CRTAC1: variants seen among roughly 807,000 people sequenced by gnomAD.
CRTAC1 encodes acidic secreted protein in cartilage.
CRTAC1 carries 37 observed loss-of-function variants against 67.8 expected under a neutral mutation model. The observed-to-expected ratio is 0.55, with a 90% CI of 0.42 to 0.72. The LOEUF (loss-of-function observed/expected upper bound fraction) is 0.72, where lower values mean the gene tolerates loss of function less well. Ranked by LOEUF, CRTAC1 falls within the 30% of genes least tolerant of loss-of-function variation. The probability of loss-of-function intolerance (pLI) is 0.00; values close to 1 mark genes in which losing one functional copy is unlikely to be tolerated. For missense variants in CRTAC1, 780 were observed against 931.6 expected, an observed-to-expected ratio of 0.84 and a Z score of 2.12; for synonymous variants, 348 against 371.0, an observed-to-expected ratio of 0.94 and a Z score of 0.71.
At chr10:97,887,951 G>A (rs190409741) in intron 11 of CRTAC1, among the ~76,000 whole-genome samples, 102 of 152,386 alleles carry the variant, frequency 6.7e-4, no homozygotes, top group Non-Finnish European at 1.2e-3. Context: ...CTAACGCATC[G>A]AAACTTCACA....
chr10:97,923,991 A>G (rs1359658508), intron 3 of CRTAC1, among the ~76,000 whole-genome samples: 3 of 152,086 alleles, frequency 2.0e-5, no homozygotes, highest in African/African-American at 7.2e-5. Flanking sequence ...CCCTGGTCCC[A>G]GGACTGGGGA....
At chr10:97,957,329 T>A (rs914082510) in intron 2 of CRTAC1, among the ~76,000 whole-genome samples, 1 of 152,048 alleles carries the variant, frequency 6.6e-6, no homozygotes, top group Non-Finnish European at 1.5e-5. Flanking sequence ...AGTGTGCTTT[T>A]ATTGTGGTCC....
In CRTAC1 at chr10:97,895,647, AG is replaced by A. The variant is rs1167572675; in HGVS notation, c.1318-235del. On this transcript the variant is annotated intron_variant, in intron 10 of 14. Transcript: ENST00000370597. This position sits in a 1 kb window ranked among gnomAD's most constrained non-coding sequence, Gnocchi z 4.2. ...AGAGGAGACAAAAGCCGAGGGACTCAGGGCACAGTGTTTGGCAGATAAATGA... is the reference window on the plus strand; with the variant it reads ...AGAGGAGACAAAAGCCGAGGGACTCAGGCACAGTGTTTGGCAGATAAATGA... Among the ~76,000 whole-genome samples the A allele has an allele frequency of 6.6e-6, 1 of 152,224 alleles. No homozygotes were observed. The highest frequency in any genetic ancestry group is 2.4e-5 in the African/African-American group (1 of 41,464).
intron 8 of CRTAC1, among the ~76,000 whole-genome samples, chr10:97,899,651 A>G (rs945260632): frequency 2.0e-5 from 3 of 152,250 alleles, no homozygotes; most frequent in South Asian, 2.1e-4. Context: ...TAGCGCCTTC[A>G]GGGGGTGATT....
chr10:97,958,298 G>T (rs1391049459), intron 2 of CRTAC1, among the ~76,000 whole-genome samples: 1 of 152,112 alleles, frequency 6.6e-6, no homozygotes, highest in Non-Finnish European at 1.5e-5. Flanking sequence ...ATGCCAATTG[G>T]CAAAAGAAAG....
Position 97,865,704 on chromosome 10 carries a change from G to A in CRTAC1, c.1830C>T (p.Gly610=), listed in dbSNP as rs1038271328. The A allele has an allele frequency of 6.2e-7, 1 of 1,603,186 alleles. No individual in the cohort carries two copies. The highest frequency in any genetic ancestry group is 1.3e-5 in the African/African-American group (1 of 74,774). ...EDGTACVGTL[G]QSPGPRPTTP... ...TGGTGGGGCGGGGGCCCGGTGACTG[G>A]CCGAGAGTCCCTGTAGGGAGGTGTA... Residue 610 remains glycine (G), a synonymous_variant, in exon 15 of 15, where the codon GGC becomes GGT. Coordinates refer to ENST00000370597, the MANE Select transcript of CRTAC1 (RefSeq NM_018058.7).
chr10:97,985,394 A>G (rs2051963639), intron 2 of CRTAC1, among the ~76,000 whole-genome samples: 1 of 152,264 alleles, frequency 6.6e-6, no homozygotes, highest in East Asian at 1.9e-4. Context: ...CCTAAAAAAT[A>G]CACCAGTCTA....
At position 97,975,531 on chromosome 10, in the gene CRTAC1, G is replaced by A. The variant is rs73334619; in HGVS notation, c.224+35607C>T. ...AGAGCAGAAAGAGGATTACCCTGTC[G>A]GCATTTTGGCCCAGTCGGAATGGAG... On this transcript the variant is annotated intron_variant, in intron 2 of 14. Transcript: ENST00000370597. The surrounding 1 kb of genome is among the most constrained non-coding windows in gnomAD (Gnocchi z 4.8). Among the ~76,000 whole-genome samples the A allele has an allele frequency of 0.018, 2,696 of 152,262 alleles. 73 individuals carry two copies. Among genetic ancestry groups the A allele is most frequent in the African/African-American group, 0.061 (2,519 of 41,540 alleles).
intron 3 of CRTAC1, among the ~76,000 whole-genome samples, chr10:97,924,713 C>A (rs1292721157): frequency 6.6e-6 from 1 of 152,140 alleles, no homozygotes; most frequent in Non-Finnish European, 1.5e-5. Flanking sequence ...GTCCCCCCAC[C>A]AAAGTGGTAG....
At chr10:97,913,135 A>AGT (rs1255801677) in intron 5 of CRTAC1, among the ~76,000 whole-genome samples, 6 of 150,990 alleles carry the variant, frequency 4.0e-5, no homozygotes, top group South Asian at 2.1e-4. Flanking sequence ...AGAGAGAGAG[A>AGT]GTGTGTGTGT....
Position 97,931,281 on chromosome 10 carries a change from C to T in CRTAC1, c.421+4889G>A, listed in dbSNP as rs187784391. Among the ~76,000 whole-genome samples the T allele has an allele frequency of 3.9e-5, 6 of 152,330 alleles. No individual in the cohort carries two copies. The East Asian group carries it at 9.6e-4, about 24-fold the overall frequency. On this transcript the variant is annotated intron_variant, in intron 3 of 14. Coordinates refer to ENST00000370597, the MANE Select transcript of CRTAC1 (RefSeq NM_018058.7). The stretch of plus-strand genomic sequence containing the variant: ...AGTGGCCCTAGGAAGGACAATCTGG[C>T]AGTGGCTATGAAAACTACACATGTA...
intron 2 of CRTAC1, among the ~76,000 whole-genome samples, chr10:98,005,094 A>ATTTT (rs1195659934): frequency 1.2e-4 from 4 of 32,218 alleles, no homozygotes; most frequent in African/African-American, 4.7e-4. Context: ...ATATATATAT[A>ATTTT]TATATATTTT....
At chr10:97,894,736 AT>A (rs1371804835) in intron 11 of CRTAC1, among the ~76,000 whole-genome samples, 1 of 36,308 alleles carries the variant, frequency 2.8e-5, no homozygotes, top group Non-Finnish European at 5.9e-5. Context: ...ATATATATAT[AT>A]ATATATATAT....
chr10:97,893,741 C>A (rs997702387), intron 11 of CRTAC1, among the ~76,000 whole-genome samples: 1 of 152,120 alleles, frequency 6.6e-6, no homozygotes, highest in Non-Finnish European at 1.5e-5. Context: ...ATGGTCACAC[C>A]CACCCCTCTC....
At chr10:97,890,670 CTTT>C (rs771905344) in intron 11 of CRTAC1, among the ~76,000 whole-genome samples, 1 of 143,522 alleles carries the variant, frequency 7.0e-6, no homozygotes, top group Admixed American at 7.0e-5. Flanking sequence ...TCTTTTCTTT[CTTT>C]TTTTTTTTTT....
intron 5 of CRTAC1, among the ~76,000 whole-genome samples, chr10:97,914,284 C>T (rs1400650922): frequency 6.6e-6 from 1 of 152,094 alleles, no homozygotes; most frequent in Non-Finnish European, 1.5e-5. Context: ...GTGCATCCCC[C>T]TGTACCTTGC....
At chr10:98,013,937 G>C (rs972649392) in intron 1 of CRTAC1, among the ~76,000 whole-genome samples, 1 of 152,248 alleles carries the variant, frequency 6.6e-6, no homozygotes, top group South Asian at 2.1e-4. Context: ...ACCAGGGAGA[G>C]AGTGGGGCAG....
intron 2 of CRTAC1, among the ~76,000 whole-genome samples, chr10:97,955,321 T>C (rs1045994253): frequency 6.6e-6 from 1 of 152,210 alleles, no homozygotes; most frequent in African/African-American, 2.4e-5. Context: ...TTCAGTCAAG[T>C]CGTTCCACTT....
At chr10:97,904,835 C>A (rs1360855479) in intron 6 of CRTAC1, 21 bp from the exon 7 acceptor site, 1 of 1,585,564 alleles carries the variant, frequency 6.3e-7, no homozygotes, top group Non-Finnish European at 8.6e-7. Flanking sequence ...GAGGCAGGAA[C>A]TCTCAGGGCG....
Sources: gnomAD v4.1 joint callset for allele counts (sites outside exome capture counted in the v4.1 genomes callset) on GRCh38, gnomAD v4.1.1 for gene constraint, Gnocchi (gnomAD v3.1) non-coding constraint, MANE v1.5 for transcripts, NCBI Gene and HGNC (gene_info 2026-07-23, HGNC 2026-07-21) for gene names.